The following GFRA3 variants were observed in gnomAD, a reference collection of about 807,000 sequenced individuals.
The protein encoded by GFRA3 is GDNF family receptor alpha 3.
In GFRA3, 24 loss-of-function variants were observed where a neutral mutation model predicts 40.0. The ratio of observed to expected loss-of-function variants is 0.60; its 90% CI spans 0.43 to 0.84. The LOEUF (loss-of-function observed/expected upper bound fraction) is 0.84. GFRA3 is among the 40% of genes least tolerant of loss of function. GFRA3 has a pLI of 0.00. For synonymous variants in GFRA3, 203 were observed against 213.5 expected, an observed-to-expected ratio of 0.95 and a Z score of 0.43; for missense variants, 405 against 530.6, an observed-to-expected ratio of 0.76 and a Z score of 2.33.
At chr5:138,261,170 T>C (rs958437682) in intron 2 of GFRA3, among the ~76,000 whole-genome samples, 16 of 152,208 alleles carry the variant, frequency 1.1e-4, no homozygotes, top group African/African-American at 3.9e-4. Context: ...GTCTTCATTA[T>C]GCAGTGGCAA....
At chr5:138,261,461 C>T (rs1295366381) in intron 2 of GFRA3, among the ~76,000 whole-genome samples, 4 of 151,834 alleles carry the variant, frequency 2.6e-5, no homozygotes, top group African/African-American at 9.7e-5. Flanking sequence ...TTTGGGAGGC[C>T]GAGGCAGGCA....
rs772024946 is a variant in GFRA3, at chr5:138,253,878, A to G, written c.912T>C (p.Phe304=). Residue 304 remains phenylalanine (F), a synonymous_variant, in exon 6 of 8, where the codon TTT becomes TTC. Transcript: ENST00000274721. ...CAACACTGGTGTTGACATTGCTGAC[A>G]AAGTTGGGGGTCATGGCAGTCCCTG... ...GLIGTAMTPN[F]VSNVNTSVAL... is the part of the protein sequence containing the mutation. 5 of 1,614,084 alleles carry G rather than the reference A, an allele frequency of 3.1e-6. No individual in the cohort carries two copies. The highest frequency in any genetic ancestry group is 4.2e-6 in the Non-Finnish European group (5 of 1,179,976).
At position 138,253,019 on chromosome 5, in the gene GFRA3, G is replaced by A; in HGVS notation, c.1152C>T (p.Pro384=). The stretch of plus-strand genomic sequence containing the variant: ...AGGGAAGCGTGCAGGAGAAAAGAGA[G>A]GGCACCCAGGGCTGTGGCCTCACAG... ...NPAVRPQPWV[P]SLFSCTLPLI... is the part of the protein sequence containing the mutation. Residue 384 remains proline, a synonymous_variant, in exon 8 of 8, where the codon CCC becomes CCT. Transcript: ENST00000274721. 1.2e-6 allele frequency: 2 copies of A among 1,609,204 alleles called. No individual in the cohort carries two copies. The highest frequency in any genetic ancestry group is 2.2e-5 in the South Asian group (2 of 90,830).
At chr5:138,261,457 A>C (rs1408163936) in intron 2 of GFRA3, among the ~76,000 whole-genome samples, 1 of 152,138 alleles carries the variant, frequency 6.6e-6, no homozygotes, top group African/African-American at 2.4e-5. Flanking sequence ...GCATTTTGGG[A>C]GGCCGAGGCA....
At chr5:138,260,176 C>G (rs1165968214) in intron 2 of GFRA3, among the ~76,000 whole-genome samples, 1 of 152,178 alleles carries the variant, frequency 6.6e-6, no homozygotes, top group Non-Finnish European at 1.5e-5. Context: ...CACTTCCTCA[C>G]CCCACTGATG....
chr5:138,253,924 A>G, intron 5 of GFRA3, 24 bp from the exon 6 acceptor site: 1 of 1,611,390 alleles, frequency 6.2e-7, no homozygotes. Context: ...AAGGGTAGTC[A>G]AGGCCTAGGC....
intron 2 of GFRA3, among the ~76,000 whole-genome samples, chr5:138,263,591 A>G (rs1316651126): frequency 6.6e-6 from 1 of 152,228 alleles, no homozygotes; most frequent in Non-Finnish European, 1.5e-5. Flanking sequence ...GGTTCTGCCA[A>G]TGCTCATTTC....
intron 3 of GFRA3, among the ~76,000 whole-genome samples, chr5:138,258,441 C>T (rs1320858046): frequency 6.6e-6 from 1 of 152,202 alleles, no homozygotes; most frequent in Non-Finnish European, 1.5e-5. Flanking sequence ...CTCGGCCTCC[C>T]AAAGTGCTGG....
rs1755923509 is a variant in GFRA3, at chr5:138,274,510, GC to G, written c.-87del. 6.1e-6 allele frequency: 6 copies of G among 977,590 alleles called. No individual in the cohort carries two copies. The South Asian group carries it at 2.8e-4, about 45-fold the overall frequency. The allele number at this position is 977,590 out of a possible 1,614,324, so 60.6% of individuals were successfully genotyped here. On this transcript the variant is annotated 5_prime_UTR_variant, in exon 1 of 8. Transcript: ENST00000274721. ...GGGGCTCCCTCGACCGGCACCTCCC[GC>G]CCCCGCCTCCCGCCCTCCAGCGCGA...
intron 1 of GFRA3, among the ~76,000 whole-genome samples, chr5:138,265,078 C>A (rs1047808470): frequency 3.3e-5 from 5 of 152,084 alleles, no homozygotes; most frequent in African/African-American, 9.7e-5. Flanking sequence ...CTGTCTCTTA[C>A]TCAGAAATAC....
rs1268203560 is a variant in GFRA3 at position 138,257,803 on chromosome 5, G to A, written c.621C>T (p.Ala207=). The change falls in exon 4 of 8, where the codon GCC becomes GCT. Residue 207 remains alanine, a synonymous_variant. Transcript: ENST00000274721. The part of the protein sequence containing the change: ...LRQLLTFFEK[A]AEPHAQGLLL... ...GCAGGCCCTGCGCGTGGGGCTCGGC[G>A]GCCTTCTCGAAGAAAGTGAGCAGCT... 1 of 1,613,290 alleles carries A rather than the reference G, an allele frequency of 6.2e-7. No individual in the cohort carries two copies. Among genetic ancestry groups the A allele is most frequent in the Non-Finnish European group, 8.5e-7 (1 of 1,179,702 alleles).
Position 138,264,301 on chromosome 5 carries a change from G to T in GFRA3, c.339C>A (p.Cys113Ter). The change falls in exon 2 of 8, where the codon TGC becomes TGA. Residue 113 changes from cysteine (C) to a stop codon, truncating the protein, a stop_gained. Coordinates refer to ENST00000274721, the MANE Select transcript of GFRA3 (RefSeq NM_001496.4). LOFTEE classifies it high-confidence loss of function. The part of the protein sequence containing the change: ...CHRRMKNQVA[C>*]LDIYWTVHRA... ...GGTGAACGGTCCAATAGATGTCCAAGCAGGCAACCTGGTTCTTCATGCGCC... is the reference window on the plus strand; with the variant it reads ...GGTGAACGGTCCAATAGATGTCCAATCAGGCAACCTGGTTCTTCATGCGCC... 6.2e-7 allele frequency: 1 copy of T among 1,611,218 alleles called. No individual in the cohort carries two copies. The highest frequency in any genetic ancestry group is 8.5e-7 in the Non-Finnish European group (1 of 1,177,638).
chr5:138,266,784 C>T (rs896090194), intron 1 of GFRA3, among the ~76,000 whole-genome samples: 7 of 151,706 alleles, frequency 4.6e-5, no homozygotes, highest in African/African-American at 1.2e-4. Context: ...TGGGCTCAAG[C>T]GATTCTCCTG....
chr5:138,258,306 G>A (rs1023590264), intron 3 of GFRA3, among the ~76,000 whole-genome samples: 7 of 147,232 alleles, frequency 4.8e-5, no homozygotes, highest in South Asian at 2.2e-4. Context: ...TCAGCCTCCC[G>A]AGTAGCTGGG....
At chr5:138,256,840 G>A (rs1333049456) in intron 4 of GFRA3, among the ~76,000 whole-genome samples, 4 of 151,216 alleles carry the variant, frequency 2.6e-5, no homozygotes, top group African/African-American at 9.7e-5. Flanking sequence ...CTAGCTACTC[G>A]AGAGACTGAG....
Position 138,257,713 on chromosome 5 carries a change from G to A in GFRA3, c.711C>T (p.Pro237=), listed in dbSNP as rs764282766. Residue 237 remains proline (P), a synonymous_variant, in exon 4 of 8, where the codon CCC becomes CCT. Coordinates refer to ENST00000274721, the MANE Select transcript of GFRA3 (RefSeq NM_001496.4). ...CGERRRNTIA[P]NCALPPVAPN... The stretch of plus-strand genomic sequence containing the variant: ...GGGCCACAGGCGGCAGCGCGCAGTT[G>A]GGGGCGATGGTGTTGCGCCGGCGCT... The A allele has an allele frequency of 3.1e-6, 5 of 1,610,454 alleles. No homozygotes were observed. The highest frequency in any genetic ancestry group is 4.2e-6 in the Non-Finnish European group (5 of 1,178,850).
chr5:138,259,929 C>A (rs1257351607), intron 2 of GFRA3, among the ~76,000 whole-genome samples: 1 of 152,044 alleles, frequency 6.6e-6, no homozygotes, highest in African/African-American at 2.4e-5. Flanking sequence ...ATATGCTGAG[C>A]ACCATCGCAC....
chr5:138,254,686 G>A (rs2126610751), intron 4 of GFRA3, among the ~76,000 whole-genome samples: 1 of 152,244 alleles, frequency 6.6e-6, no homozygotes, highest in Non-Finnish European at 1.5e-5. Context: ...CTGAGTTTGG[G>A]CTCCACGATC....
Position 138,253,004 on chromosome 5 carries a change from G to T in GFRA3, c.1167C>A (p.Cys389Ter). The change falls in exon 8 of 8, where the codon TGC becomes TGA. Residue 389 changes from cysteine (C) to a stop codon, truncating the protein, a stop_gained. Transcript: ENST00000274721. LOFTEE classifies it high-confidence loss of function. ...PQPWVPSLFS[C>*]TLPLILLLSL... ...TCAGGAGCAGAATCAAGGGAAGCGTGCAGGAGAAAAGAGAGGGCACCCAGG... is the reference window on the plus strand; with the variant it reads ...TCAGGAGCAGAATCAAGGGAAGCGTTCAGGAGAAAAGAGAGGGCACCCAGG... The T allele has an allele frequency of 6.2e-7, 1 of 1,609,482 alleles. No homozygotes were observed. The highest frequency in any genetic ancestry group is 1.7e-5 in the Admixed American group (1 of 60,006).
Sources: gnomAD v4.1 joint callset for allele counts (sites outside exome capture counted in the v4.1 genomes callset) on GRCh38, gnomAD v4.1.1 for gene constraint, MANE v1.5 for transcripts, NCBI Gene and HGNC (gene_info 2026-07-23, HGNC 2026-07-21) for gene names.